Variants in NEK10 observed in about 807,000 individuals in gnomAD.
The protein encoded by NEK10 is serine/threonine-protein kinase Nek10.
NEK10 carries 122 observed loss-of-function variants against 159.8 expected under a neutral mutation model. That is an observed-to-expected ratio of 0.76 (90% CI 0.66 to 0.89). The LOEUF is 0.89. Ranked by LOEUF, NEK10 falls within the 40% of genes least tolerant of loss-of-function variation. NEK10 has a pLI of 0.00. For synonymous variants in NEK10, 466 were observed against 457.1 expected (o/e 1.02, Z -0.25); for missense variants, 1,342 against 1,323.1 (o/e 1.01, Z -0.22).
intron 23 of NEK10, among the ~76,000 whole-genome samples, chr3:27,222,550 T>C (rs932188613): frequency 7.2e-5 from 11 of 152,184 alleles, no homozygotes; most frequent in African/African-American, 2.4e-4. Flanking sequence ...TTATATGTGA[T>C]TGTGATTTTA....
chr3:27,230,414 C>T (rs1318369319), intron 23 of NEK10, among the ~76,000 whole-genome samples: 1 of 152,006 alleles, frequency 6.6e-6, no homozygotes, highest in African/African-American at 2.4e-5. Context: ...CAAAATAGAA[C>T]CACCTTAAAG....
chr3:27,214,633 C>T (rs1951323489), intron 23 of NEK10, among the ~76,000 whole-genome samples: 1 of 151,158 alleles, frequency 6.6e-6, no homozygotes, highest in Admixed American at 6.6e-5. Flanking sequence ...AAACAAGAAA[C>T]AGACTTGGTT....
chr3:27,352,410 T>C (rs1261496183), intron 3 of NEK10, 55 bp downstream of exon 3: 1 of 1,150,548 alleles, frequency 8.7e-7, no homozygotes, highest in Non-Finnish European at 1.3e-6. Context: ...TGGAGCCCTT[T>C]GGAAACATAT....
At chr3:27,363,533 T>C (rs998748884) in intron 1 of NEK10, among the ~76,000 whole-genome samples, 2 of 151,866 alleles carry the variant, frequency 1.3e-5, no homozygotes, top group Non-Finnish European at 2.9e-5. Context: ...ATATGGAGAG[T>C]AGAGACAACG....
chr3:27,339,050 C>T (rs972428852), intron 5 of NEK10, among the ~76,000 whole-genome samples: 8 of 152,012 alleles, frequency 5.3e-5, no homozygotes, highest in African/African-American at 1.2e-4. Flanking sequence ...CATCAACAAG[C>T]GACTAATATC....
chr3:27,160,989 T>C (rs747407214), intron 30 of NEK10, among the ~76,000 whole-genome samples: 14 of 152,188 alleles, frequency 9.2e-5, no homozygotes, highest in Admixed American at 6.5e-5. Flanking sequence ...TTAGATGATA[T>C]AGCAAACTGT....
intron 27 of NEK10, 35 bp downstream of exon 27, chr3:27,174,615 C>A (rs1316894069): frequency 2.5e-6 from 4 of 1,598,740 alleles, no homozygotes; most frequent in Middle Eastern, 1.7e-4. Context: ...CTGCCACTAG[C>A]AGTACCTACG....
intron 13 of NEK10, among the ~76,000 whole-genome samples, chr3:27,301,123 T>C (rs1559461479): frequency 6.6e-6 from 1 of 152,164 alleles, no homozygotes; most frequent in Non-Finnish European, 1.5e-5. Context: ...GCTCCAGTTG[T>C]CCCAAAGGCC....
intron 23 of NEK10, among the ~76,000 whole-genome samples, chr3:27,238,389 A>T (rs1954178345): frequency 6.6e-6 from 1 of 152,204 alleles, no homozygotes; most frequent in Non-Finnish European, 1.5e-5. Flanking sequence ...TAGTAGGATT[A>T]CGAATATTCT....
intron 30 of NEK10, among the ~76,000 whole-genome samples, chr3:27,158,686 G>A (rs1945732934): frequency 6.6e-6 from 1 of 152,162 alleles, no homozygotes; most frequent in African/African-American, 2.4e-5. Flanking sequence ...AAAAACCTGA[G>A]CAAGGGAGGG....
At chr3:27,279,074 G>T in intron 22 of NEK10, 1 of 218,576 alleles carries the variant, frequency 4.6e-6, no homozygotes, top group Non-Finnish European at 7.8e-6. Flanking sequence ...AAGCATAGCA[G>T]AATATGTGAG....
chr3:27,143,908 A>G (rs556685927), intron 30 of NEK10, among the ~76,000 whole-genome samples: 82 of 152,366 alleles, frequency 5.4e-4, no homozygotes, highest in African/African-American at 1.8e-3. Flanking sequence ...TGTTATGATC[A>G]GCATTTTGAA....
intron 30 of NEK10, among the ~76,000 whole-genome samples, chr3:27,161,553 G>C (rs1350955706): frequency 6.6e-6 from 1 of 152,168 alleles, no homozygotes; most frequent in African/African-American, 2.4e-5. Context: ...ATGCTCAAGA[G>C]TTGTATGCTC....
At position 27,353,697 on chromosome 3, in the gene NEK10, A is replaced by AT. The variant is rs1421589527; in HGVS notation, c.-37-779dup. Reference sequence around the variant, plus strand: ...AACACTTTAGGATTGTACCAAGGATATAACACCACCTCTTTCATTCAACAA... The same window carrying AT: ...AACACTTTAGGATTGTACCAAGGATATTAACACCACCTCTTTCATTCAACAA... On this transcript the variant is annotated intron_variant, in intron 1 of 35. Transcript: ENST00000691995. Among the ~76,000 whole-genome samples, 3 of 152,282 alleles carry AT rather than the reference A, an allele frequency of 2.0e-5. No homozygotes were observed. The East Asian group carries it at 5.8e-4, about 29-fold the overall frequency.
chr3:27,154,916 C>G (rs1945254307), intron 30 of NEK10, among the ~76,000 whole-genome samples: 1 of 152,180 alleles, frequency 6.6e-6, no homozygotes, highest in South Asian at 2.1e-4. Context: ...CTCACCACTA[C>G]TCTTCAACAT....
At chr3:27,306,809 C>T (rs939946703) in intron 11 of NEK10, among the ~76,000 whole-genome samples, 1 of 152,206 alleles carries the variant, frequency 6.6e-6, no homozygotes, top group African/African-American at 2.4e-5. Context: ...TTATCATTAA[C>T]TATCTGTTCT....
rs59530835 is a variant in NEK10, at chr3:27,177,545, CAA to C, written c.2506-2714_2506-2713del. 9.5e-3 allele frequency among the ~76,000 whole-genome samples: 1,223 copies of C among 128,138 alleles called. 7 individuals carry two copies. Among genetic ancestry groups the C allele is most frequent in the Non-Finnish European group, 0.011 (646 of 58,292 alleles). The allele number at this position is 128,138 out of a possible 152,430, so 84.1% of individuals were successfully genotyped here. ...GGGTGACAGAGCAAGACTCTTGTCT[CAA>C]AAAAAAAAATATATATATATTTCTA... On this transcript the variant is annotated intron_variant, in intron 26 of 35. Coordinates refer to ENST00000691995, the MANE Select transcript of NEK10 (RefSeq NM_001394966.1).
At chr3:27,324,910 T>C (rs1464446321) in intron 5 of NEK10, among the ~76,000 whole-genome samples, 1 of 152,178 alleles carries the variant, frequency 6.6e-6, no homozygotes, top group Non-Finnish European at 1.5e-5. Flanking sequence ...CATGCTGACC[T>C]TCTCATTACA....
intron 25 of NEK10, among the ~76,000 whole-genome samples, chr3:27,196,286 C>A (rs1288562270): frequency 6.6e-6 from 1 of 152,192 alleles, no homozygotes; most frequent in African/African-American, 2.4e-5. Context: ...CACAGACCCC[C>A]TTAGAGTTGT....
Sources: gnomAD v4.1 joint callset for allele counts (sites outside exome capture counted in the v4.1 genomes callset) on GRCh38, gnomAD v4.1.1 for gene constraint, MANE v1.5 for transcripts, NCBI Gene and HGNC (gene_info 2026-07-23, HGNC 2026-07-21) for gene names.